The following FA2H variants were observed in gnomAD, a reference collection of about 807,000 sequenced individuals.
The protein encoded by FA2H is fatty acid 2-hydroxylase.
A neutral mutation model predicts 44.9 loss-of-function variants in FA2H; 22 were observed. The ratio of observed to expected loss-of-function variants is 0.49; its 90% CI spans 0.35 to 0.70. The LOEUF is 0.70. Among genes scored for constraint, FA2H ranks in the 30% least tolerant of loss-of-function variants. The pLI, the probability that FA2H is intolerant of heterozygous loss-of-function variation, is 0.01. For synonymous variants in FA2H, 243 were observed against 213.2 expected (o/e 1.14, Z -1.22); for missense variants, 501 against 504.9 (o/e 0.99, Z 0.07).
chr16:74,763,319 G>A (rs188411885), intron 1 of FA2H, among the ~76,000 whole-genome samples: 12 of 152,062 alleles, frequency 7.9e-5, no homozygotes, highest in East Asian at 1.9e-4. Flanking sequence ...GTGCAGTGGC[G>A]TGATTTCCAT....
intron 2 of FA2H, among the ~76,000 whole-genome samples, chr16:74,728,499 G>C (rs1055011154): frequency 6.6e-6 from 1 of 152,070 alleles, no homozygotes; most frequent in Admixed American, 6.6e-5. Context: ...AGGGAGTGTG[G>C]GCACAGATGT....
chr16:74,725,614 G>C (rs1340499518), intron 4 of FA2H, among the ~76,000 whole-genome samples: 2 of 152,198 alleles, frequency 1.3e-5, no homozygotes, highest in Admixed American at 6.5e-5. Flanking sequence ...AGCTCTAAAA[G>C]GGGATAATGA....
At chr16:74,751,304 C>T (rs560994360) in intron 1 of FA2H, among the ~76,000 whole-genome samples, 64 of 152,224 alleles carry the variant, frequency 4.2e-4, no homozygotes, top group African/African-American at 1.5e-3. Context: ...CTATGTTGCC[C>T]AGGCTGGTCT....
At chr16:74,766,405 G>A (rs1261969824) in intron 1 of FA2H, among the ~76,000 whole-genome samples, 1 of 152,264 alleles carries the variant, frequency 6.6e-6, no homozygotes, top group East Asian at 1.9e-4. Context: ...AGGTGAGGAG[G>A]TAAGGAGAAT....
chr16:74,748,207 G>A (rs971684899), intron 1 of FA2H, among the ~76,000 whole-genome samples: 2 of 152,334 alleles, frequency 1.3e-5, no homozygotes, highest in African/African-American at 4.8e-5. Flanking sequence ...AGGTCACTTC[G>A]CAGTTTTCGC....
At chr16:74,746,774 A>T (rs1173555245) in intron 1 of FA2H, among the ~76,000 whole-genome samples, 1 of 152,094 alleles carries the variant, frequency 6.6e-6, no homozygotes, top group Non-Finnish European at 1.5e-5. Context: ...CAATTCCCAG[A>T]ACAGGGAATT....
chr16:74,719,249 C>G (rs566281289), intron 4 of FA2H, 89 bp from the exon 5 acceptor site: 1 of 1,196,428 alleles, frequency 8.4e-7, no homozygotes, highest in Non-Finnish European at 1.2e-6. Flanking sequence ...CCCATCAGCT[C>G]GGGAGCTGCT....
At chr16:74,748,449 C>T (rs1001830575) in intron 1 of FA2H, among the ~76,000 whole-genome samples, 4 of 152,170 alleles carry the variant, frequency 2.6e-5, no homozygotes, top group South Asian at 4.1e-4. Flanking sequence ...AACTGAGGCA[C>T]AGGCGGCCCG....
At chr16:74,733,616 C>T (rs1381935524) in intron 2 of FA2H, among the ~76,000 whole-genome samples, 1 of 152,180 alleles carries the variant, frequency 6.6e-6, no homozygotes, top group Non-Finnish European at 1.5e-5. Context: ...TGAGAGGTTC[C>T]AGGCCTCTCA....
chr16:74,718,901 G>A, intron 5 of FA2H, 87 bp downstream of exon 5: 1 of 1,468,098 alleles, frequency 6.8e-7, no homozygotes, highest in Non-Finnish European at 9.4e-7. Context: ...CTCCCAGGAG[G>A]CTCCGCAGCA....
chr16:74,714,229 G>A lies in FA2H; in HGVS notation c.1080C>T (p.His360=). The change falls in exon 7 of 7, where the codon CAC becomes CAT. Residue 360 remains histidine (H), a synonymous_variant. Transcript: ENST00000219368. ...ISTKLWDYCF[H]TLTPEKPHLK... ...GGTGGGGTTTCTCTGGAGTGAGGGT[G>A]TGGAAACAGTAATCCCACAATTTAG... The A allele has an allele frequency of 1.3e-6, 2 of 1,565,986 alleles. No homozygotes were observed. Among genetic ancestry groups the A allele is most frequent in the South Asian group, 1.2e-5 (1 of 84,944 alleles).
chr16:74,718,165 C>G (rs560169715), intron 5 of FA2H, among the ~76,000 whole-genome samples: 1 of 152,146 alleles, frequency 6.6e-6, no homozygotes, highest in Non-Finnish European at 1.5e-5. Flanking sequence ...CGAGATGAAC[C>G]GGATTAAGTT....
At chr16:74,732,857 AG>A (rs923320672) in intron 2 of FA2H, among the ~76,000 whole-genome samples, 13 of 152,244 alleles carry the variant, frequency 8.5e-5, no homozygotes, top group African/African-American at 2.7e-4. Context: ...ACAGAACAAA[AG>A]CACAGAACTG....
chr16:74,740,010 C>G lies in FA2H; in HGVS notation c.363+13G>C. On this transcript the variant is annotated intron_variant, in intron 2 of 6. Coordinates refer to ENST00000219368, the MANE Select transcript of FA2H (RefSeq NM_024306.5). The stretch of plus-strand genomic sequence containing the variant: ...CCCCCAGTCATCACCCCACTCCATC[C>G]TATGCCAGGTACCTTGTCCCAATCC... 1 of 1,601,222 alleles carries G rather than the reference C, an allele frequency of 6.2e-7. No homozygotes were observed. Among genetic ancestry groups the G allele is most frequent in the African/African-American group, 1.3e-5 (1 of 74,764 alleles).
intron 1 of FA2H, among the ~76,000 whole-genome samples, chr16:74,755,038 C>G (rs551222668): frequency 6.6e-6 from 1 of 152,176 alleles, no homozygotes; most frequent in Non-Finnish European, 1.5e-5. Context: ...CAGCAGCCCC[C>G]CTAGAAGCCC....
chr16:74,767,825 A>G (rs1302796957), intron 1 of FA2H, among the ~76,000 whole-genome samples: 1 of 152,250 alleles, frequency 6.6e-6, no homozygotes, highest in Non-Finnish European at 1.5e-5. Flanking sequence ...GCAATCAAAA[A>G]TGAATTCAGG....
intron 1 of FA2H, among the ~76,000 whole-genome samples, chr16:74,753,645 C>A (rs146528913): frequency 6.6e-6 from 1 of 152,230 alleles, no homozygotes; most frequent in Non-Finnish European, 1.5e-5. Context: ...TGTACTCCAG[C>A]CTGGGTGACA....
intron 1 of FA2H, among the ~76,000 whole-genome samples, chr16:74,746,425 G>A (rs898172834): frequency 6.6e-6 from 1 of 150,510 alleles, no homozygotes; most frequent in Non-Finnish European, 1.5e-5. Flanking sequence ...GCCCAGGTTA[G>A]TCTCAACCTC....
chr16:74,724,558 G>A (rs796286799), intron 4 of FA2H, among the ~76,000 whole-genome samples: 11 of 152,248 alleles, frequency 7.2e-5, no homozygotes, highest in Non-Finnish European at 1.2e-4. Flanking sequence ...CTAGGATCCC[G>A]CCGAGTCTCC....
Sources: gnomAD v4.1 joint callset for allele counts (sites outside exome capture counted in the v4.1 genomes callset) on GRCh38, gnomAD v4.1.1 for gene constraint, MANE v1.5 for transcripts, NCBI Gene and HGNC (gene_info 2026-07-23, HGNC 2026-07-21) for gene names.